Variants in KLK10 observed in about 807,000 individuals in gnomAD.
KLK10 encodes kallikrein related peptidase 10, also known as kallikrein-10.
Under a neutral mutation model 25.7 loss-of-function variants are expected in KLK10, and 27 were observed. That is an observed-to-expected ratio of 1.05 (90% CI 0.77 to 1.45). The LOEUF (loss-of-function observed/expected upper bound fraction) is 1.45, where lower values mean the gene tolerates loss of function less well. KLK10 is among the 40% of genes most tolerant of loss of function. The pLI is 0.00. For missense variants in KLK10, 386 were observed against 370.0 expected (o/e 1.04, Z -0.35); for synonymous variants, 173 against 160.1 (o/e 1.08, Z -0.61).
At position 51,014,764 on chromosome 19, in the gene KLK10, C is replaced by A; in HGVS notation, c.*36G>T. On this transcript the variant is annotated 3_prime_UTR_variant, in exon 6 of 6. Transcript: ENST00000358789. Reference sequence around the variant, plus strand: ...CTCTGGGCATCTGGATCAGCAGGAGCATAACATCTGGATCAGCTGGAGCGT... The same window carrying A: ...CTCTGGGCATCTGGATCAGCAGGAGAATAACATCTGGATCAGCTGGAGCGT... The A allele has an allele frequency of 6.2e-7, 1 of 1,605,148 alleles. No homozygotes were observed. The highest frequency in any genetic ancestry group is 1.1e-5 in the South Asian group (1 of 89,808).
rs1472953410 is a variant in KLK10 at position 51,016,175 on chromosome 19, A to G, written c.270-19T>C. On this transcript the variant is annotated intron_variant, in intron 3 of 5. Coordinates refer to ENST00000358789, the MANE Select transcript of KLK10 (RefSeq NM_145888.3). ...CAGTGGCCTGGGGGAAGGAAGAGGCATGTGAAGGCAAACCCTTCATAGGGA... is the reference window on the plus strand; with the variant it reads ...CAGTGGCCTGGGGGAAGGAAGAGGCGTGTGAAGGCAAACCCTTCATAGGGA... 1 of 1,552,300 alleles carries G rather than the reference A, an allele frequency of 6.4e-7. No homozygotes were observed.
At chr19:51,016,258 G>A (rs2122434522) in intron 3 of KLK10, 102 bp from the exon 4 acceptor site, 1 of 1,335,310 alleles carries the variant, frequency 7.5e-7, no homozygotes, top group Non-Finnish European at 9.9e-7. Context: ...TCTGAGGGAA[G>A]AGGGCCTTGT....
chr19:51,017,847 AAC>A lies in KLK10; in HGVS notation c.89-559_89-558del, dbSNP rs869123916. ...AAAACAAACAAACAACAACAACAAC[AAC>A]AAAAAAGTAGTCGCGGAGGCATGCG... On this transcript the variant is annotated intron_variant, in intron 2 of 5. Coordinates refer to ENST00000358789, the MANE Select transcript of KLK10 (RefSeq NM_145888.3). Among the ~76,000 whole-genome samples, 199 of 151,350 alleles carry A rather than the reference AAC, an allele frequency of 1.3e-3. 4 individuals carry two copies. Among genetic ancestry groups the A allele is most frequent in the Non-Finnish European group, 1.4e-3 (96 of 67,830 alleles).
chr19:51,014,390 G>C lies in KLK10; in HGVS notation c.*410C>G, dbSNP rs1244398421. The stretch of plus-strand genomic sequence containing the variant: ...CATAGTCTCCTCACAACATGTCTAA[G>C]AGGTAGGCACGTCATTGTTCCCATT... On this transcript the variant is annotated 3_prime_UTR_variant, in exon 6 of 6. Transcript: ENST00000358789. The C allele has an allele frequency of 1.5e-5, 3 of 194,848 alleles. No homozygotes were observed. Among genetic ancestry groups the C allele is most frequent in the African/African-American group, 7.0e-5 (3 of 42,866 alleles). The allele number at this position is 194,848 out of a possible 1,614,324, so 12.1% of individuals were successfully genotyped here.
At position 51,019,137 on chromosome 19, in the gene KLK10, G is replaced by A; in HGVS notation, c.-7C>T. ...GGAGGTGCGGAGCTCTCATGGCCAGGATCTGCTGGGGTGTGTGCAGGGGCG... is the reference window on the plus strand; with the variant it reads ...GGAGGTGCGGAGCTCTCATGGCCAGAATCTGCTGGGGTGTGTGCAGGGGCG... On this transcript the variant is annotated splice_region_variant and 5_prime_UTR_variant, in exon 2 of 6. Transcript: ENST00000358789. This position sits in a 1 kb window ranked among gnomAD's most constrained non-coding sequence, Gnocchi z 4.2. 3 of 1,606,000 alleles carry A rather than the reference G, an allele frequency of 1.9e-6. No individual in the cohort carries two copies. The highest frequency in any genetic ancestry group is 2.5e-6 in the Non-Finnish European group (3 of 1,177,290).
In KLK10 at chr19:51,019,414, C is replaced by G. The variant is rs1055356890; in HGVS notation, c.-10+213G>C. Among the ~76,000 whole-genome samples the G allele has an allele frequency of 2.0e-5, 3 of 152,210 alleles. No individual in the cohort carries two copies. The South Asian group carries it at 6.2e-4, about 32-fold the overall frequency. On this transcript the variant is annotated intron_variant, in intron 1 of 5. Coordinates refer to ENST00000358789, the MANE Select transcript of KLK10 (RefSeq NM_145888.3). This position sits in a 1 kb window ranked among gnomAD's most constrained non-coding sequence, Gnocchi z 4.2. The stretch of plus-strand genomic sequence containing the variant: ...CCAGCTACCCTGGCTGCAGCCACGC[C>G]GCGCCCGAGGTTTCCCCCTCCTTCA...
In KLK10 at chr19:51,014,746, C is replaced by A; in HGVS notation, c.*54G>T. The A allele has an allele frequency of 6.3e-7, 1 of 1,580,016 alleles. No homozygotes were observed. The highest frequency in any genetic ancestry group is 8.7e-7 in the Non-Finnish European group (1 of 1,155,090). On this transcript the variant is annotated 3_prime_UTR_variant, in exon 6 of 6. Coordinates refer to ENST00000358789, the MANE Select transcript of KLK10 (RefSeq NM_145888.3). ...GAGGATGGACGATGGAGCCTCTGGG[C>A]ATCTGGATCAGCAGGAGCATAACAT...
At chr19:51,016,836 C>A (rs970298443) in intron 3 of KLK10, among the ~76,000 whole-genome samples, 1 of 152,264 alleles carries the variant, frequency 6.6e-6, no homozygotes, top group South Asian at 2.1e-4. Context: ...CCTGACCACA[C>A]CGGACCCTGG....
In KLK10 at chr19:51,017,296, G is replaced by A; in HGVS notation, c.89-6C>T. The A allele has an allele frequency of 2.5e-6, 4 of 1,597,870 alleles. No homozygotes were observed. The highest frequency in any genetic ancestry group is 3.4e-6 in the Non-Finnish European group (4 of 1,173,532). On this transcript the variant is annotated splice_polypyrimidine_tract_variant and splice_region_variant and intron_variant, in intron 2 of 5. Transcript: ENST00000358789. Reference sequence around the variant, plus strand: ...GAGCAGCGCCGCCTCTGCGGCTGGAGAAAGAAAGGGGACGGAATCAAAGCA... The same window carrying A: ...GAGCAGCGCCGCCTCTGCGGCTGGAAAAAGAAAGGGGACGGAATCAAAGCA...
At position 51,014,135 on chromosome 19, in the gene KLK10, T is replaced by G. The variant is rs1168178916; in HGVS notation, c.*665A>C. ...TGAGAAGGAAGTGGTTAAAAGGTGTTTCCTGGGACTTGGAACTAGGGTGAG... is the reference window on the plus strand; with the variant it reads ...TGAGAAGGAAGTGGTTAAAAGGTGTGTCCTGGGACTTGGAACTAGGGTGAG... On this transcript the variant is annotated 3_prime_UTR_variant, in exon 6 of 6. Transcript: ENST00000358789. 6.6e-6 allele frequency: 1 copy of G among 152,260 alleles called. No homozygotes were observed. The highest frequency in any genetic ancestry group is 1.5e-5 in the Non-Finnish European group (1 of 68,124). The allele number at this position is 152,260 out of a possible 1,614,324, so 9.4% of individuals were successfully genotyped here. A position where few individuals can be genotyped will look rare whatever the true frequency, so the allele number is the denominator to read the frequency against.
chr19:51,018,059 C>G (rs1316896992), intron 2 of KLK10, among the ~76,000 whole-genome samples: 1 of 126,638 alleles, frequency 7.9e-6, no homozygotes, highest in African/African-American at 3.1e-5. Context: ...GTGGTACCAG[C>G]TACTCTGGAG....
At chr19:51,015,068 G>T in intron 5 of KLK10, 116 bp from the exon 6 acceptor site, 1 of 884,602 alleles carries the variant, frequency 1.1e-6, no homozygotes, top group Non-Finnish European at 1.7e-6. Context: ...GACGAGGATG[G>T]GATGGGGTTG....
At chr19:51,015,616 G>T in intron 4 of KLK10, 66 bp from the exon 5 acceptor site, 1 of 1,547,102 alleles carries the variant, frequency 6.5e-7, no homozygotes, top group South Asian at 1.1e-5. Flanking sequence ...CAGGAGTCCA[G>T]ATACAAGACC....
intron 2 of KLK10, 123 bp downstream of exon 2, chr19:51,018,920 C>T: frequency 1.3e-6 from 1 of 743,402 alleles, no homozygotes. Flanking sequence ...TGCTCCGGAG[C>T]GCTGGGTGGG....
Position 51,019,345 on chromosome 19 carries a change from A to T in KLK10, c.-9-206T>A, listed in dbSNP as rs1600144391. On this transcript the variant is annotated intron_variant, in intron 1 of 5. Coordinates refer to ENST00000358789, the MANE Select transcript of KLK10 (RefSeq NM_145888.3). This position sits in a 1 kb window ranked among gnomAD's most constrained non-coding sequence, Gnocchi z 4.2. ...TTACCCTAATGACGCCCCTCGCGGC[A>T]TCTTCCCGTCCTCCCTGTGCCCGAG... 6.6e-6 allele frequency among the ~76,000 whole-genome samples: 1 copy of T among 152,156 alleles called. No individual in the cohort carries two copies. Among genetic ancestry groups the T allele is most frequent in the East Asian group, 1.9e-4 (1 of 5,166 alleles).
rs578227803 is a variant in KLK10 at position 51,014,813 on chromosome 19, A to G, written c.818T>C (p.Ile273Thr). The G allele has an allele frequency of 1.9e-6, 3 of 1,613,496 alleles. No homozygotes were observed. Among genetic ancestry groups the G allele is most frequent in the Non-Finnish European group, 2.5e-6 (3 of 1,179,656 alleles). The change falls in exon 6 of 6, where the codon ATA (isoleucine) becomes ACA (threonine). Residue 273 changes from isoleucine (I) to threonine (T), a missense_variant. Transcript: ENST00000358789. ...CKYMSWINKV[I>T]RSN ...GTAGCATCTGGATCAGTTGGAGCGT[A>G]TGACTTTATTGATCCAGGACATGTA...
intron 4 of KLK10, 78 bp from the exon 5 acceptor site, chr19:51,015,628 T>C (rs2091316282): frequency 6.7e-7 from 1 of 1,500,724 alleles, no homozygotes; most frequent in Non-Finnish European, 9.2e-7. Context: ...TACAAGACCG[T>C]TTCTATCCTA....
chr19:51,018,055 C>T (rs2091354633), intron 2 of KLK10, among the ~76,000 whole-genome samples: 1 of 129,060 alleles, frequency 7.7e-6, no homozygotes, highest in Non-Finnish European at 1.6e-5. Context: ...GCCTGTGGTA[C>T]CAGCTACTCT....
At chr19:51,018,769 G>C (rs1034218078) in intron 2 of KLK10, 3 of 528,456 alleles carry the variant, frequency 5.7e-6, no homozygotes, top group South Asian at 2.2e-5. Context: ...ATGGGGCGGC[G>C]TAAGAGGAGG....
Sources: gnomAD v4.1 joint callset for allele counts (sites outside exome capture counted in the v4.1 genomes callset) on GRCh38, gnomAD v4.1.1 for gene constraint, Gnocchi (gnomAD v3.1) non-coding constraint, MANE v1.5 for transcripts, NCBI Gene and HGNC (gene_info 2026-07-23, HGNC 2026-07-21) for gene names.